Variants in ARHGAP32 observed in about 807,000 individuals in gnomAD.
ARHGAP32 encodes the protein Rho GTPase activating protein 32.
In ARHGAP32, 51 loss-of-function variants were observed where a neutral mutation model predicts 186.5. The ratio of observed to expected loss-of-function variants is 0.27; its 90% confidence interval spans 0.22 to 0.35. The LOEUF is 0.35. Ranked by LOEUF, ARHGAP32 falls within the 10% of genes least tolerant of loss-of-function variation. ARHGAP32 has a pLI of 1.00. For synonymous variants in ARHGAP32, 950 were observed against 964.3 expected (o/e 0.99, Z 0.27); for missense variants, 2,186 against 2,623.5 (o/e 0.83, Z 3.64).
intron 1 of ARHGAP32, among the ~76,000 whole-genome samples, chr11:129,190,943 A>G (rs565620984): frequency 6.6e-6 from 1 of 152,318 alleles, no homozygotes; most frequent in African/African-American, 2.4e-5. Flanking sequence ...CTAATAATTC[A>G]TTTTTATACT....
intron 5 of ARHGAP32, among the ~76,000 whole-genome samples, chr11:129,102,983 C>T (rs576502375): frequency 1.3e-5 from 2 of 152,244 alleles, no homozygotes; most frequent in Admixed American, 6.5e-5. Context: ...CAATGCCCAT[C>T]AACAGATGAC....
chr11:129,271,365 A>G (rs1323300564), intron 1 of ARHGAP32, among the ~76,000 whole-genome samples: 1 of 152,092 alleles, frequency 6.6e-6, no homozygotes, highest in Non-Finnish European at 1.5e-5. Flanking sequence ...TGAGGAGGAA[A>G]AAAAGAAATC....
chr11:129,164,339 C>A lies in ARHGAP32; in HGVS notation c.205G>T (p.Glu69Ter). 1 of 1,572,266 alleles carries A rather than the reference C, an allele frequency of 6.4e-7. No individual in the cohort carries two copies. Residue 69 changes from glutamate (E) to a stop codon, truncating the protein, a stop_gained, in exon 2 of 23, where the codon GAA (glutamate) becomes TAA (stop). Transcript: ENST00000682385. LOFTEE classifies it high-confidence loss of function. ...TTTACCATTGCGCTAAGAGTTTCTT[C>A]CCAATCAGGCCGCTCTCGAGGGTGT... is the stretch of plus-strand genomic sequence containing the variant. ...NVHPRERPDW[E>*]ETLSAMARGA... is the part of the protein sequence containing the mutation.
intron 1 of ARHGAP32, among the ~76,000 whole-genome samples, chr11:129,233,210 T>C (rs1944882374): frequency 6.6e-6 from 1 of 152,068 alleles, no homozygotes; most frequent in Non-Finnish European, 1.5e-5. Flanking sequence ...CAACAGATGA[T>C]ATGATGTCAG....
At chr11:129,266,617 T>A (rs940644081) in intron 1 of ARHGAP32, among the ~76,000 whole-genome samples, 14 of 152,174 alleles carry the variant, frequency 9.2e-5, no homozygotes, top group Non-Finnish European at 1.5e-5. Context: ...AGAGAGATTG[T>A]ACCATTTTCC....
At chr11:129,263,071 T>C (rs923038142) in intron 1 of ARHGAP32, among the ~76,000 whole-genome samples, 1 of 152,126 alleles carries the variant, frequency 6.6e-6, no homozygotes. Flanking sequence ...GAGTCTTACC[T>C]TATACCATAT....
At chr11:129,062,246 T>C (rs1233918086) in intron 10 of ARHGAP32, 34 bp downstream of exon 10, 1 of 1,596,002 alleles carries the variant, frequency 6.3e-7, no homozygotes. Context: ...AACTTTCCTT[T>C]GAATTTTCCC....
intron 1 of ARHGAP32, among the ~76,000 whole-genome samples, chr11:129,235,421 T>C (rs1404979806): frequency 6.6e-6 from 1 of 152,188 alleles, no homozygotes; most frequent in Non-Finnish European, 1.5e-5. Flanking sequence ...TAAATATGTG[T>C]AACCTAGTCT....
intron 1 of ARHGAP32, among the ~76,000 whole-genome samples, chr11:129,169,491 C>T (rs1396825799): frequency 6.6e-6 from 1 of 151,794 alleles, no homozygotes; most frequent in Non-Finnish European, 1.5e-5. Context: ...ATTAGCTGGG[C>T]GTGGTGGCGG....
intron 10 of ARHGAP32, among the ~76,000 whole-genome samples, chr11:129,047,786 A>G (rs1397299086): frequency 6.6e-6 from 1 of 152,198 alleles, no homozygotes. Context: ...ACACCATCCC[A>G]GCACAGTTGA....
At chr11:128,988,182 T>C (rs1945933740) in intron 12 of ARHGAP32, 57 bp from the exon 13 acceptor site, 9 of 1,308,056 alleles carry the variant, frequency 6.9e-6, no homozygotes, top group Admixed American at 2.1e-5. Flanking sequence ...GAACCAAAGT[T>C]GCCAAAAAAT....
intron 6 of ARHGAP32, among the ~76,000 whole-genome samples, chr11:129,091,203 G>A (rs997708426): frequency 2.6e-5 from 4 of 151,994 alleles, no homozygotes; most frequent in African/African-American, 7.2e-5. Flanking sequence ...AAATGAGATC[G>A]GTATAACTAG....
At chr11:129,064,126 C>G in intron 8 of ARHGAP32, 102 bp from the exon 9 acceptor site, 1 of 1,034,382 alleles carries the variant, frequency 9.7e-7, no homozygotes, top group Non-Finnish European at 1.3e-6. Flanking sequence ...GATACAATAA[C>G]CCAAAGAGTC....
In ARHGAP32 at chr11:128,970,314, T is replaced by C. The variant is rs767745933; in HGVS notation, c.4899A>G (p.Gln1633=). 1.9e-6 allele frequency: 3 copies of C among 1,614,112 alleles called. No individual in the cohort carries two copies. Among genetic ancestry groups the C allele is most frequent in the South Asian group, 1.1e-5 (1 of 91,084 alleles). The change falls in exon 23 of 23, where the codon CAA becomes CAG. Residue 1633 remains glutamine (Q), a synonymous_variant. Coordinates refer to ENST00000682385, the MANE Select transcript of ARHGAP32 (RefSeq NM_001378024.1). This position sits in a 1 kb window ranked among gnomAD's most constrained non-coding sequence, Gnocchi z 5.8. ...CCTGGGAGGACTGATATGGCTTATA[T>C]TGGTACAGAGGTCTTGGGCAGTAGG... ...EPAYCPRPLY[Q]YKPYQSSQAR...
intron 5 of ARHGAP32, among the ~76,000 whole-genome samples, chr11:129,098,780 C>T (rs1360973993): frequency 6.6e-6 from 1 of 152,078 alleles, no homozygotes; most frequent in Non-Finnish European, 1.5e-5. Flanking sequence ...TGTTTCAGAG[C>T]AGAAAAATGT....
chr11:128,973,898 T>G, intron 21 of ARHGAP32: 1 of 572,566 alleles, frequency 1.7e-6, no homozygotes, highest in South Asian at 2.6e-5. Context: ...TCCAAAGAGA[T>G]AAGGGGACTT....
intron 2 of ARHGAP32, among the ~76,000 whole-genome samples, chr11:129,129,499 G>A (rs1942760115): frequency 6.6e-6 from 1 of 152,144 alleles, no homozygotes. Context: ...GAAGTGAGGA[G>A]CCCCTCTGCC....
chr11:129,014,703 G>C (rs1330326650), intron 11 of ARHGAP32, among the ~76,000 whole-genome samples: 5 of 152,232 alleles, frequency 3.3e-5, no homozygotes, highest in Non-Finnish European at 7.3e-5. Context: ...AGGTATGACT[G>C]TAATGTTTAA....
chr11:129,015,344 C>A (rs1345460194), intron 11 of ARHGAP32, among the ~76,000 whole-genome samples: 1 of 152,108 alleles, frequency 6.6e-6, no homozygotes, highest in Non-Finnish European at 1.5e-5. Flanking sequence ...AGTATTAGAG[C>A]CCAATGTCAA....
Sources: gnomAD v4.1 joint callset for allele counts (sites outside exome capture counted in the v4.1 genomes callset) on GRCh38, gnomAD v4.1.1 for gene constraint, Gnocchi (gnomAD v3.1) non-coding constraint, MANE v1.5 for transcripts, NCBI Gene and HGNC (gene_info 2026-07-23, HGNC 2026-07-21) for gene names.